KTN1: variants seen among roughly 807,000 people sequenced by gnomAD.
KTN1 encodes the protein kinectin.
KTN1 carries 130 observed loss-of-function variants against 222.5 expected under a neutral mutation model. The ratio of observed to expected loss-of-function variants is 0.58; its 90% confidence interval spans 0.51 to 0.68. The LOEUF is 0.68. KTN1 is among the 30% of genes least tolerant of loss of function. The probability of loss-of-function intolerance (pLI) is 0.00; values close to 1 mark genes in which losing one functional copy is unlikely to be tolerated. For synonymous variants in KTN1, 512 were observed against 496.3 expected, an observed-to-expected ratio of 1.03 and a Z score of -0.42; for missense variants, 1,508 against 1,500.4, an observed-to-expected ratio of 1.01 and a Z score of -0.08.
At chr14:55,626,637 G>A (rs1184893874) in intron 5 of KTN1, among the ~76,000 whole-genome samples, 1 of 151,984 alleles carries the variant, frequency 6.6e-6, no homozygotes, top group African/African-American at 2.4e-5. Flanking sequence ...TCCAATGAGG[G>A]GTGTTTTTCT....
intron 1 of KTN1, among the ~76,000 whole-genome samples, chr14:55,604,512 G>A (rs78987996): frequency 2.2e-3 from 329 of 152,166 alleles, no homozygotes; most frequent in Middle Eastern, 0.014. Context: ...TTTAATGACT[G>A]TCCACATCTT....
At chr14:55,677,953 C>T (rs1267942151) in intron 41 of KTN1, among the ~76,000 whole-genome samples, 1 of 152,188 alleles carries the variant, frequency 6.6e-6, no homozygotes, top group Admixed American at 6.5e-5. Flanking sequence ...CCGCCTTGGC[C>T]TCCCAAAGTG....
At chr14:55,646,951 T>C (rs202182213) in intron 18 of KTN1, 22 bp from the exon 19 acceptor site, 2 of 1,476,188 alleles carry the variant, frequency 1.4e-6, no homozygotes, top group East Asian at 2.3e-5. Flanking sequence ...AGTTAAACTT[T>C]TTTTGGTGAT....
chr14:55,611,041 G>T (rs542612985), intron 1 of KTN1, among the ~76,000 whole-genome samples: 80 of 152,232 alleles, frequency 5.3e-4, no homozygotes, highest in East Asian at 5.8e-4. Flanking sequence ...GTGCAGTATG[G>T]GGTGCCTTTA....
chr14:55,589,804 A>G lies in KTN1; in HGVS notation c.-31+9450A>G, dbSNP rs1406227258. On this transcript the variant is annotated intron_variant, in intron 1 of 43. Transcript: ENST00000395314. ...CTCTTGAGTAGCTGGGACTACAGGC[A>G]TGCATCACCACGCCCAGCTAATTTT... Among the ~76,000 whole-genome samples the G allele has an allele frequency of 2.0e-5, 3 of 151,744 alleles. No individual in the cohort carries two copies. In the East Asian group the frequency reaches 5.8e-4, roughly 29 times the overall value.
intron 1 of KTN1, among the ~76,000 whole-genome samples, chr14:55,611,734 T>C (rs10145140): frequency 0.99 from 151,137 of 152,312 alleles, 75,003 homozygotes; most frequent in Middle Eastern, 1. Context: ...AAGAAAGTAA[T>C]GAATATTTAA....
At chr14:55,683,992 A>G in intron 43 of KTN1, 107 bp from the exon 44 acceptor site, 2 of 862,738 alleles carry the variant, frequency 2.3e-6, no homozygotes, top group East Asian at 2.7e-5. Flanking sequence ...TGAAAGGGCC[A>G]TGCTAGATCA....
At chr14:55,613,864 T>TA (rs559496555) in intron 2 of KTN1, among the ~76,000 whole-genome samples, 10 of 151,982 alleles carry the variant, frequency 6.6e-5, no homozygotes, top group Middle Eastern at 3.4e-3. Flanking sequence ...CGTAAGCCAG[T>TA]AAAAAAAATG....
chr14:55,604,764 A>G (rs970352283), intron 1 of KTN1, among the ~76,000 whole-genome samples: 12 of 151,946 alleles, frequency 7.9e-5, no homozygotes, highest in African/African-American at 2.9e-4. Flanking sequence ...TTGAAATTAC[A>G]TATTCATAGG....
chr14:55,630,898 GAGTT>G (rs2040429483), intron 7 of KTN1, among the ~76,000 whole-genome samples: 2 of 152,178 alleles, frequency 1.3e-5, no homozygotes, highest in Non-Finnish European at 2.9e-5. Context: ...AGTATACAAA[GAGTT>G]AGTTAGATAG....
intron 5 of KTN1, among the ~76,000 whole-genome samples, chr14:55,621,131 G>A (rs551394744): frequency 5.3e-5 from 8 of 152,174 alleles, no homozygotes; most frequent in East Asian, 1.9e-4. Flanking sequence ...AGCAAGAGTC[G>A]CCTTTACTCC....
At chr14:55,679,882 G>C (rs1368452188) in intron 43 of KTN1, 197 bp downstream of exon 43, 1 of 573,470 alleles carries the variant, frequency 1.7e-6, no homozygotes, top group African/African-American at 1.9e-5. Context: ...GTAGCTTGGA[G>C]GGGTTATCTG....
chr14:55,586,435 A>G (rs1051250561), intron 1 of KTN1, among the ~76,000 whole-genome samples: 4 of 152,162 alleles, frequency 2.6e-5, no homozygotes, highest in African/African-American at 9.7e-5. Context: ...ATCATATCAT[A>G]TTTAATCTTC....
intron 5 of KTN1, among the ~76,000 whole-genome samples, chr14:55,625,444 T>G (rs2039687349): frequency 6.6e-6 from 1 of 152,180 alleles, no homozygotes; most frequent in Non-Finnish European, 1.5e-5. Flanking sequence ...CCACTTAAAT[T>G]TTTTTCCTAG....
chr14:55,639,651 G>T (rs1202008143), intron 13 of KTN1, among the ~76,000 whole-genome samples: 2 of 151,774 alleles, frequency 1.3e-5, no homozygotes, highest in Non-Finnish European at 3.0e-5. Context: ...GATCACTTGA[G>T]TTCGGAAGAT....
intron 25 of KTN1, among the ~76,000 whole-genome samples, chr14:55,652,473 A>T (rs1237492602): frequency 1.5e-5 from 2 of 136,194 alleles, no homozygotes; most frequent in Non-Finnish European, 3.0e-5. Context: ...ATCTCGGCTC[A>T]CTGCAACCTC....
chr14:55,654,387 A>G (rs1015013123), intron 28 of KTN1, among the ~76,000 whole-genome samples: 2 of 152,162 alleles, frequency 1.3e-5, no homozygotes, highest in Non-Finnish European at 2.9e-5. Context: ...ACTCATTTGT[A>G]CAATTATTGT....
intron 43 of KTN1, 51 bp from the exon 44 acceptor site, chr14:55,684,048 C>A (rs1284167668): frequency 5.8e-6 from 9 of 1,543,074 alleles, no homozygotes; most frequent in East Asian, 2.3e-5. Context: ...TTCTGATTGC[C>A]TTCTGTTGCT....
At chr14:55,675,017 C>G (rs906544707) in intron 40 of KTN1, 1 of 152,060 alleles carries the variant, frequency 6.6e-6, no homozygotes. Flanking sequence ...GTGGAATTTC[C>G]CTCCGCCCCA....
Sources: gnomAD v4.1 joint callset for allele counts (sites outside exome capture counted in the v4.1 genomes callset) on GRCh38, gnomAD v4.1.1 for gene constraint, MANE v1.5 for transcripts, NCBI Gene and HGNC (gene_info 2026-07-23, HGNC 2026-07-21) for gene names.